PDZRN3: variants seen among roughly 807,000 people sequenced by gnomAD.
PDZRN3 encodes the protein PDZ domain containing ring finger 3, also known as E3 ubiquitin-protein ligase PDZRN3.
In PDZRN3, 38 loss-of-function variants were observed where a neutral mutation model predicts 85.7. The observed-to-expected ratio is 0.44, with a 90% CI of 0.34 to 0.58. PDZRN3 has a LOEUF of 0.58. PDZRN3 is among the 20% of genes least tolerant of loss of function. The pLI, the probability that PDZRN3 is intolerant of heterozygous loss-of-function variation, is 0.01. For synonymous variants in PDZRN3, 759 were observed against 638.0 expected (o/e 1.19, Z -2.86); for missense variants, 1,629 against 1,506.4 (o/e 1.08, Z -1.35).
chr3:73,394,255 A>T lies in PDZRN3; in HGVS notation c.1255-3139T>A, dbSNP rs559704329. Among the ~76,000 whole-genome samples, 7 of 152,336 alleles carry T rather than the reference A, an allele frequency of 4.6e-5. No homozygotes were observed. In the East Asian group the frequency reaches 1.3e-3, roughly 29 times the overall value. ...ATCGATTCTCCATAAATGCAGTTTG[A>T]TATTTTTGCACGGGAGAGAAGAGGG... On this transcript the variant is annotated intron_variant, in intron 5 of 9. Coordinates refer to ENST00000263666, the MANE Select transcript of PDZRN3 (RefSeq NM_015009.3).
chr3:73,386,563 C>T (rs1235382051), intron 8 of PDZRN3, among the ~76,000 whole-genome samples: 1 of 152,200 alleles, frequency 6.6e-6, no homozygotes, highest in Non-Finnish European at 1.5e-5. Context: ...AGTTGGCACT[C>T]TATAGCCCAT....
At chr3:73,559,708 G>A (rs1014599528) in intron 3 of PDZRN3, among the ~76,000 whole-genome samples, 1 of 152,192 alleles carries the variant, frequency 6.6e-6, no homozygotes, top group African/African-American at 2.4e-5. Flanking sequence ...TTTAAAAGAG[G>A]GGATTTAAAT....
At chr3:73,526,205 A>G (rs999280719) in intron 3 of PDZRN3, among the ~76,000 whole-genome samples, 3 of 152,236 alleles carry the variant, frequency 2.0e-5, no homozygotes, top group South Asian at 2.1e-4. Flanking sequence ...TCTCTGGTAC[A>G]TAATAAGCCC....
intron 1 of PDZRN3, among the ~76,000 whole-genome samples, chr3:73,622,460 C>A (rs1702882628): frequency 6.6e-6 from 1 of 152,208 alleles, no homozygotes; most frequent in Admixed American, 6.5e-5. Context: ...AGGCCCAGGC[C>A]CCTCCCCAGG....
rs6787492 is a variant in PDZRN3, at chr3:73,584,456, T to G, written c.918+17898A>C. On this transcript the variant is annotated intron_variant, in intron 3 of 9. Coordinates refer to ENST00000263666, the MANE Select transcript of PDZRN3 (RefSeq NM_015009.3). Reference sequence around the variant, plus strand: ...TTAAGTGGTGCTTCATTTAATGGTGTGTGTGTGTGTGTGTGTGTGTGTGTG... The same window carrying G: ...TTAAGTGGTGCTTCATTTAATGGTGGGTGTGTGTGTGTGTGTGTGTGTGTG... 5.7e-3 allele frequency among the ~76,000 whole-genome samples: 110 copies of G among 19,162 alleles called. 2 individuals carry two copies. Among genetic ancestry groups the G allele is most frequent in the East Asian group, 0.039 (19 of 484 alleles). The allele number at this position is 19,162 out of a possible 152,430, so 12.6% of individuals were successfully genotyped here. A position where few individuals can be genotyped will look rare whatever the true frequency, so the allele number is the denominator to read the frequency against.
chr3:73,393,374 G>A (rs1485389465), intron 5 of PDZRN3, among the ~76,000 whole-genome samples: 1 of 152,136 alleles, frequency 6.6e-6, no homozygotes, highest in Non-Finnish European at 1.5e-5. Flanking sequence ...GCTACTCAAA[G>A]CGTGCTTCCT....
At chr3:73,483,197 T>A (rs1358251034) in intron 3 of PDZRN3, among the ~76,000 whole-genome samples, 2 of 152,102 alleles carry the variant, frequency 1.3e-5, no homozygotes, top group East Asian at 3.9e-4. Flanking sequence ...CCAAGAAAAA[T>A]CTACAAGGAT....
At chr3:73,526,195 T>A (rs560602157) in intron 3 of PDZRN3, among the ~76,000 whole-genome samples, 5 of 152,318 alleles carry the variant, frequency 3.3e-5, no homozygotes, top group African/African-American at 9.6e-5. Context: ...CTTAATACGC[T>A]CTCTGGTACA....
chr3:73,437,051 A>G (rs1702545113), intron 3 of PDZRN3, among the ~76,000 whole-genome samples: 1 of 151,574 alleles, frequency 6.6e-6, no homozygotes, highest in Admixed American at 6.6e-5. Context: ...GTCTCAAAAA[A>G]AAAAAAAAAA....
chr3:73,391,724 CT>C (rs1369998879), intron 5 of PDZRN3, among the ~76,000 whole-genome samples: 4 of 152,112 alleles, frequency 2.6e-5, no homozygotes, highest in Non-Finnish European at 5.9e-5. Flanking sequence ...GGGATACATG[CT>C]ATTGTATTTG....
rs189788380 is a variant in PDZRN3, at chr3:73,601,787, C to T, written c.918+567G>A. ...TATAAAAGTTTGAAATGATGAATGA[C>T]GAACTGAAAATGGAGTAAGTGATGA... On this transcript the variant is annotated intron_variant, in intron 3 of 9. Coordinates refer to ENST00000263666, the MANE Select transcript of PDZRN3 (RefSeq NM_015009.3). Among the ~76,000 whole-genome samples, 7 of 152,230 alleles carry T rather than the reference C, an allele frequency of 4.6e-5. No homozygotes were observed. In the East Asian group the frequency reaches 5.8e-4, roughly 13 times the overall value.
intron 3 of PDZRN3, among the ~76,000 whole-genome samples, chr3:73,539,191 A>G (rs1319260036): frequency 1.3e-5 from 2 of 152,100 alleles, no homozygotes; most frequent in Admixed American, 6.6e-5. Context: ...CAGTCACCTC[A>G]CATCTGGGTC....
intron 3 of PDZRN3, among the ~76,000 whole-genome samples, chr3:73,495,564 A>G (rs1575690437): frequency 1.3e-5 from 2 of 152,318 alleles, no homozygotes; most frequent in South Asian, 2.1e-4. Context: ...TTTTAATTCT[A>G]TACTTTATTT....
At chr3:73,596,714 T>C (rs1265386581) in intron 3 of PDZRN3, among the ~76,000 whole-genome samples, 1 of 152,130 alleles carries the variant, frequency 6.6e-6, no homozygotes, top group Non-Finnish European at 1.5e-5. Flanking sequence ...ATCAATGGTA[T>C]GGAAGACAAA....
intron 3 of PDZRN3, among the ~76,000 whole-genome samples, chr3:73,573,008 C>G (rs970392980): frequency 2.0e-5 from 3 of 152,144 alleles, no homozygotes; most frequent in African/African-American, 7.2e-5. Context: ...CACAGTGTGC[C>G]GGAATTAAGG....
chr3:73,503,297 C>CT (rs1179386409), intron 3 of PDZRN3, among the ~76,000 whole-genome samples: 1 of 152,034 alleles, frequency 6.6e-6, no homozygotes, highest in East Asian at 1.9e-4. Context: ...ATAAGTGGTC[C>CT]TTTATTTACT....
Position 73,390,635 on chromosome 3 carries a change from A to ATGTGTGTG in PDZRN3, c.1353+375_1353+382dup, listed in dbSNP as rs746695153. Among the ~76,000 whole-genome samples the ATGTGTGTG allele has an allele frequency of 3.4e-3, 476 of 138,928 alleles. 2 individuals carry two copies. The highest frequency in any genetic ancestry group is 6.5e-3 in the African/African-American group (239 of 36,570). The allele number at this position is 138,928 out of a possible 152,430, so 91.1% of individuals were successfully genotyped here. A position where few individuals can be genotyped will look rare whatever the true frequency, so the allele number is the denominator to read the frequency against. ...ATATACTCCACCAAGAGAAAAAAAA[A>ATGTGTGTG]TGTGTGTGTGTGTGTGTGTGAGAGA... On this transcript the variant is annotated intron_variant, in intron 6 of 9. Coordinates refer to ENST00000263666, the MANE Select transcript of PDZRN3 (RefSeq NM_015009.3).
At chr3:73,412,614 C>G (rs769210003) in intron 3 of PDZRN3, among the ~76,000 whole-genome samples, 11 of 152,160 alleles carry the variant, frequency 7.2e-5, no homozygotes, top group Non-Finnish European at 1.3e-4. Flanking sequence ...GCCTGGGGTT[C>G]AAGTAGGCTG....
intron 2 of PDZRN3, among the ~76,000 whole-genome samples, chr3:73,605,879 A>C (rs1702593027): frequency 6.6e-6 from 1 of 152,254 alleles, no homozygotes; most frequent in South Asian, 2.1e-4. Flanking sequence ...GAAAATACTA[A>C]TGCAAGCTAC....
Sources: gnomAD v4.1 joint callset for allele counts (sites outside exome capture counted in the v4.1 genomes callset) on GRCh38, gnomAD v4.1.1 for gene constraint, MANE v1.5 for transcripts, NCBI Gene and HGNC (gene_info 2026-07-23, HGNC 2026-07-21) for gene names.